CYP4F22: variants seen among roughly 807,000 people sequenced by gnomAD.
CYP4F22 encodes the protein cytochrome P450 family 4 subfamily F member 22, also known as ultra-long-chain fatty acid omega-hydroxylase.
CYP4F22 carries 37 observed loss-of-function variants against 60.4 expected under a neutral mutation model. The ratio of observed to expected loss-of-function variants is 0.61; its 90% CI spans 0.47 to 0.81. The LOEUF is 0.81. Among genes scored for constraint, CYP4F22 ranks in the 30% least tolerant of loss-of-function variants. The probability of loss-of-function intolerance (pLI) is 0.00; values close to 1 mark genes in which losing one functional copy is unlikely to be tolerated. For synonymous variants in CYP4F22, 258 were observed against 280.5 expected (o/e 0.92, Z 0.80); for missense variants, 655 against 715.0 (o/e 0.92, Z 0.96).
At chr19:15,527,488 A>G (rs911889793) in intron 3 of CYP4F22, among the ~76,000 whole-genome samples, 1 of 152,144 alleles carries the variant, frequency 6.6e-6, no homozygotes, top group African/African-American at 2.4e-5. Flanking sequence ...CCCCATCTCC[A>G]GTGCCCTTAC....
chr19:15,508,559 G>C lies in CYP4F22; in HGVS notation c.-133G>C, dbSNP rs1300554165. The C allele has an allele frequency of 5.9e-5, 9 of 152,492 alleles. No individual in the cohort carries two copies. The highest frequency in any genetic ancestry group is 1.9e-4 in the African/African-American group (8 of 41,474). 9.4% of individuals were successfully genotyped at this position (152,492 alleles called of 1,614,324 possible). ...GTAGTGGCGCCGGTGGATCCGGATC[G>C]AGGGCAGGAGGCTGAGACCCGCGGG... On this transcript the variant is annotated 5_prime_UTR_variant, in exon 1 of 14. Transcript: ENST00000269703.
rs1458355187 is a variant in CYP4F22, at chr19:15,540,493, C to T, written c.715C>T (p.Leu239=). Residue 239 remains leucine (L), a synonymous_variant, in exon 8 of 14, where the codon CTG becomes TTG. Coordinates refer to ENST00000269703, the MANE Select transcript of CYP4F22 (RefSeq NM_173483.4). ...CTCCGCTATCATTGAACTGAGCGCT[C>T]TGTCTGTCCGGCGCCAGTATCGCTT... ...YISAIIELSA[L]SVRRQYRLHH... 1 of 1,614,194 alleles carries T rather than the reference C, an allele frequency of 6.2e-7. No individual in the cohort carries two copies. Among genetic ancestry groups the T allele is most frequent in the African/African-American group, 1.3e-5 (1 of 75,054 alleles).
chr19:15,517,516 C>G (rs557567607), intron 1 of CYP4F22, among the ~76,000 whole-genome samples: 1 of 152,368 alleles, frequency 6.6e-6, no homozygotes, highest in African/African-American at 2.4e-5. Flanking sequence ...ATGTACCCAG[C>G]CACCTGGAGC....
chr19:15,524,717 A>AG (rs1313832208), intron 2 of CYP4F22, among the ~76,000 whole-genome samples: 1 of 152,196 alleles, frequency 6.6e-6, no homozygotes, highest in Non-Finnish European at 1.5e-5. Context: ...AGAGAAAGAA[A>AG]GAAGTCCTGA....
intron 10 of CYP4F22, 114 bp from the exon 11 acceptor site, chr19:15,547,994 A>AGT (rs1470483505): frequency 4.3e-6 from 1 of 230,674 alleles, no homozygotes; most frequent in East Asian, 1.4e-4. Flanking sequence ...AGAGAGAGAG[A>AGT]GGGAGAGAGT....
intron 8 of CYP4F22, among the ~76,000 whole-genome samples, chr19:15,541,471 A>C (rs771686730): frequency 4.0e-5 from 6 of 149,064 alleles, no homozygotes; most frequent in Non-Finnish European, 8.9e-5. Context: ...ACTTCTGCAA[A>C]GACCTCTCTC....
chr19:15,537,972 G>C lies in CYP4F22; in HGVS notation c.650G>C (p.Ser217Thr), dbSNP rs1015071704. The change falls in exon 7 of 14, where the codon AGC (serine) becomes ACC (threonine). Residue 217 changes from serine to threonine, a missense_variant. By Grantham distance (58) the Ser-to-Thr change is moderately conservative (BLOSUM62 1). Around this residue, in one of 3 missense-constraint regions of CYP4F22, gnomAD observed 430 missense variants for 457.1 expected, o/e 0.94. Transcript: ENST00000269703. ...TLDSLQKCVF[S>T]YNSNCQEKMS... ...GACAGTCTTCAGAAATGTGTCTTCA[G>C]CTACAACAGCAACTGCCAAGAGTGA... 1.2e-6 allele frequency: 2 copies of C among 1,614,134 alleles called. No individual in the cohort carries two copies. Among genetic ancestry groups the C allele is most frequent in the Non-Finnish European group, 1.7e-6 (2 of 1,180,044 alleles).
At chr19:15,546,916 G>A (rs901435985) in intron 10 of CYP4F22, among the ~76,000 whole-genome samples, 1 of 150,760 alleles carries the variant, frequency 6.6e-6, no homozygotes, top group East Asian at 1.9e-4. Flanking sequence ...TCTCTTTGTT[G>A]CCCAGGCTGG....
intron 1 of CYP4F22, among the ~76,000 whole-genome samples, chr19:15,519,766 T>C (rs1053571530): frequency 6.6e-6 from 1 of 152,158 alleles, no homozygotes; most frequent in Non-Finnish European, 1.5e-5. Context: ...TGATGATTCA[T>C]GTGACCCCTG....
At chr19:15,547,601 T>C (rs1217417799) in intron 10 of CYP4F22, among the ~76,000 whole-genome samples, 1 of 152,014 alleles carries the variant, frequency 6.6e-6, no homozygotes, top group Non-Finnish European at 1.5e-5. Context: ...GGTGGGTGGA[T>C]TGCCTGAGGT....
chr19:15,550,683 C>T lies in CYP4F22; in HGVS notation c.1345C>T (p.Pro449Ser). ...GGCTGTTCCTCCCTAGGTGTACAAC[C>T]CCTACCGCTTTGACCCGGACAACCC... is the stretch of plus-strand genomic sequence containing the variant. The part of the protein sequence containing the change: ...TVWPDSKVYN[P>S]YRFDPDNPQQ... Residue 449 changes from proline to serine, a missense_variant, in exon 13 of 14, where the codon CCC (proline) becomes TCC (serine). By Grantham distance (74) the Pro-to-Ser change is moderately conservative. Around this residue, in one of 3 missense-constraint regions of CYP4F22, gnomAD observed 151 missense variants for 139.4 expected, o/e 1.08. Coordinates refer to ENST00000269703, the MANE Select transcript of CYP4F22 (RefSeq NM_173483.4). 6.2e-7 allele frequency: 1 copy of T among 1,614,156 alleles called. No individual in the cohort carries two copies. The highest frequency in any genetic ancestry group is 1.1e-5 in the South Asian group (1 of 91,086).
At position 15,515,352 on chromosome 19, in the gene CYP4F22, A is replaced by G; in HGVS notation, c.-109+6769A>G. ...GGCCAGAAAAGGTTCAGCACCTCCCACACACAGACATTGATCCATTTCCTG... is the reference window on the plus strand; with the variant it reads ...GGCCAGAAAAGGTTCAGCACCTCCCGCACACAGACATTGATCCATTTCCTG... On this transcript the variant is annotated intron_variant, in intron 1 of 13. Transcript: ENST00000269703. The G allele has an allele frequency of 3.3e-6, 4 of 1,205,842 alleles. No individual in the cohort carries two copies. The East Asian group carries it at 1.1e-4, about 34-fold the overall frequency. The allele number at this position is 1,205,842 out of a possible 1,614,324, so 74.7% of individuals were successfully genotyped here.
In CYP4F22 at chr19:15,548,178, A is replaced by G; in HGVS notation, c.1207A>G (p.Thr403Ala). 6.2e-7 allele frequency: 1 copy of G among 1,613,692 alleles called. No individual in the cohort carries two copies. The highest frequency in any genetic ancestry group is 8.5e-7 in the Non-Finnish European group (1 of 1,179,938). Residue 403 changes from threonine to alanine, a missense_variant, in exon 11 of 14, where the codon ACT (threonine) becomes GCT (alanine). Physicochemically the swap from Thr to Ala is moderately conservative, Grantham distance 58 (BLOSUM62 0). Transcript: ENST00000269703. ...GAGCCTGCGCCAGTACCCACCTGTCACTCTTGTCTCTCGCCAATGCACGGA... is the reference window on the plus strand; with the variant it reads ...GAGCCTGCGCCAGTACCCACCTGTCGCTCTTGTCTCTCGCCAATGCACGGA... ...KESLRQYPPV[T>A]LVSRQCTEDI...
intron 1 of CYP4F22, among the ~76,000 whole-genome samples, chr19:15,519,412 G>A (rs1386735547): frequency 7.2e-5 from 11 of 152,096 alleles, no homozygotes; most frequent in African/African-American, 2.4e-4. Flanking sequence ...ACAGGCGCCC[G>A]CCACCATGCC....
chr19:15,532,416 C>A (rs1452110820), intron 4 of CYP4F22, among the ~76,000 whole-genome samples: 1 of 151,676 alleles, frequency 6.6e-6, no homozygotes, highest in Non-Finnish European at 1.5e-5. Flanking sequence ...ACTCTGTCAC[C>A]CAGGCTGGAG....
At chr19:15,510,541 T>C (rs546197531) in intron 1 of CYP4F22, among the ~76,000 whole-genome samples, 3 of 152,180 alleles carry the variant, frequency 2.0e-5, no homozygotes, top group Non-Finnish European at 4.4e-5. Flanking sequence ...TAGAATCTTT[T>C]CTGAGGCTCA....
chr19:15,527,257 A>G (rs987804415), intron 3 of CYP4F22, among the ~76,000 whole-genome samples: 3 of 151,298 alleles, frequency 2.0e-5, no homozygotes, highest in Admixed American at 1.3e-4. Context: ...CTGCTTACAC[A>G]CCCTCCATGG....
chr19:15,542,547 T>C (rs1474061585), intron 8 of CYP4F22, among the ~76,000 whole-genome samples: 1 of 152,122 alleles, frequency 6.6e-6, no homozygotes, highest in African/African-American at 2.4e-5. Flanking sequence ...AAAAAATTTT[T>C]TTTTAAATTA....
intron 3 of CYP4F22, 113 bp from the exon 4 acceptor site, chr19:15,529,593 AATC>A: frequency 6.9e-7 from 1 of 1,441,822 alleles, no homozygotes; most frequent in Non-Finnish European, 9.5e-7. Context: ...AACTGCCTGA[AATC>A]ATAATGTAGC....
Sources: allele counts gnomAD v4.1 joint callset (sites outside exome capture counted in the v4.1 genomes callset), GRCh38; gene constraint gnomAD v4.1.1; regional missense constraint gnomAD v4.1.1; transcripts MANE v1.5; gene names NCBI Gene and HGNC (gene_info 2026-07-23, HGNC 2026-07-21).